MAGI2: variants seen among roughly 807,000 people sequenced by gnomAD.
MAGI2 encodes membrane associated guanylate kinase, WW and PDZ domain containing 2.
MAGI2 carries 35 observed loss-of-function variants against 133.3 expected under a neutral mutation model. That is an observed-to-expected ratio of 0.26 (90% CI 0.20 to 0.35). The LOEUF (loss-of-function observed/expected upper bound fraction) is 0.35. Ranked by LOEUF, MAGI2 falls within the 10% of genes least tolerant of loss-of-function variation. MAGI2 has a pLI of 1.00. For synonymous variants in MAGI2, 729 were observed against 710.6 expected (o/e 1.03, Z -0.41); for missense variants, 1,636 against 1,863.4 (o/e 0.88, Z 2.25).
chr7:78,484,020 A>T (rs1474245545), intron 6 of MAGI2: 1 of 151,966 alleles, frequency 6.6e-6, no homozygotes, highest in Non-Finnish European at 1.5e-5. Context: ...GTCATACTTA[A>T]TCTTCTTGAG....
At chr7:79,448,169 TAGC>T (rs1246012829) in intron 1 of MAGI2, among the ~76,000 whole-genome samples, 17 of 151,984 alleles carry the variant, frequency 1.1e-4, no homozygotes, top group Non-Finnish European at 1.6e-4. Flanking sequence ...AAATATAAAA[TAGC>T]AGATGTTTAC....
intron 1 of MAGI2, among the ~76,000 whole-genome samples, chr7:79,195,964 G>A (rs1828045532): frequency 1.3e-5 from 2 of 151,946 alleles, no homozygotes; most frequent in Non-Finnish European, 2.9e-5. Context: ...GGCTGAAGTG[G>A]TTGGGCATCG....
intron 16 of MAGI2, among the ~76,000 whole-genome samples, chr7:78,144,926 C>T (rs1435051881): frequency 9.2e-5 from 14 of 152,194 alleles, no homozygotes; most frequent in Admixed American, 5.2e-4. Context: ...GTTCCCCTCC[C>T]TGTGTCCGTG....
chr7:78,405,246 C>T (rs1382382435), intron 6 of MAGI2, among the ~76,000 whole-genome samples: 1 of 152,084 alleles, frequency 6.6e-6, no homozygotes, highest in African/African-American at 2.4e-5. Context: ...ATGTTAGATA[C>T]TTTCTGAGAA....
intron 1 of MAGI2, among the ~76,000 whole-genome samples, chr7:79,330,740 T>C (rs1047816054): frequency 7.2e-5 from 11 of 152,128 alleles, no homozygotes; most frequent in African/African-American, 2.7e-4. Context: ...CCAAAGATTG[T>C]TGTGAGGATT....
At chr7:79,092,757 C>T (rs1250154829) in intron 1 of MAGI2, among the ~76,000 whole-genome samples, 1 of 152,098 alleles carries the variant, frequency 6.6e-6, no homozygotes, top group Non-Finnish European at 1.5e-5. Context: ...ATCAGAAGGT[C>T]ATGTCTGATT....
intron 1 of MAGI2, among the ~76,000 whole-genome samples, chr7:79,204,601 A>G (rs1356909932): frequency 2.0e-5 from 3 of 152,064 alleles, no homozygotes; most frequent in African/African-American, 7.3e-5. Flanking sequence ...TGAACAAAAT[A>G]AAGTCCCAGT....
chr7:78,085,898 C>T (rs1816586645), intron 20 of MAGI2, among the ~76,000 whole-genome samples: 2 of 147,566 alleles, frequency 1.4e-5, no homozygotes, highest in South Asian at 4.1e-4. Context: ...GACTTGAGCA[C>T]AGTATCCTAT....
In MAGI2 at chr7:78,695,117, C is replaced by T. The variant is rs965205707; in HGVS notation, c.419-67878G>A. The stretch of plus-strand genomic sequence containing the variant: ...GCGGGTGCCTGTAGTCCCAGCTACT[C>T]GGGAGGCTGAGGCAGGAGAATTGCT... On this transcript the variant is annotated intron_variant, in intron 2 of 21. Coordinates refer to ENST00000354212, the MANE Select transcript of MAGI2 (RefSeq NM_012301.4). Among the ~76,000 whole-genome samples, 19 of 152,102 alleles carry T rather than the reference C, an allele frequency of 1.2e-4. 1 individual carries two copies. Among genetic ancestry groups the T allele is most frequent in the Middle Eastern group, 6.8e-3 (2 of 294 alleles).
chr7:78,578,319 C>T (rs896729750), intron 3 of MAGI2, among the ~76,000 whole-genome samples: 7 of 151,714 alleles, frequency 4.6e-5, no homozygotes, highest in African/African-American at 1.7e-4. Context: ...GAAAATATTA[C>T]ATATAATAAA....
chr7:78,908,992 A>G (rs1314442245), intron 2 of MAGI2, among the ~76,000 whole-genome samples: 1 of 152,200 alleles, frequency 6.6e-6, no homozygotes, highest in East Asian at 1.9e-4. Context: ...GAGTTTCTGC[A>G]CAGCAAAAGA....
intron 1 of MAGI2, among the ~76,000 whole-genome samples, chr7:79,404,409 C>G (rs1425165809): frequency 6.6e-6 from 1 of 152,096 alleles, no homozygotes; most frequent in African/African-American, 2.4e-5. Flanking sequence ...AATCATAGGT[C>G]ACTGCAGCCT....
intron 3 of MAGI2, among the ~76,000 whole-genome samples, chr7:78,573,285 T>A (rs1174130787): frequency 2.2e-5 from 1 of 44,480 alleles, no homozygotes; most frequent in Non-Finnish European, 3.4e-5. Context: ...TATATATATT[T>A]ATATAAATAT....
intron 6 of MAGI2, among the ~76,000 whole-genome samples, chr7:78,424,979 T>G (rs926790524): frequency 3.9e-5 from 6 of 152,166 alleles, no homozygotes; most frequent in Admixed American, 1.3e-4. Context: ...TTTAGGGGAC[T>G]GTTGAGAAGG....
intron 2 of MAGI2, among the ~76,000 whole-genome samples, chr7:78,761,348 A>AGGC (rs1824486213): frequency 1.3e-5 from 2 of 152,246 alleles, no homozygotes; most frequent in Admixed American, 1.3e-4. Flanking sequence ...GTTATTAGCC[A>AGGC]GGCTGAAGTC....
chr7:79,394,421 T>C (rs916031539), intron 1 of MAGI2, among the ~76,000 whole-genome samples: 10 of 152,168 alleles, frequency 6.6e-5, no homozygotes, highest in African/African-American at 2.2e-4. Context: ...TTTACTCCCA[T>C]TGGTTGTCAT....
intron 2 of MAGI2, among the ~76,000 whole-genome samples, chr7:78,979,627 G>A (rs530386300): frequency 2.6e-5 from 4 of 151,876 alleles, no homozygotes; most frequent in Admixed American, 1.3e-4. Context: ...ACAGTCCCTG[G>A]TTGTTCACTC....
At chr7:78,814,298 G>A (rs1789362120) in intron 2 of MAGI2, among the ~76,000 whole-genome samples, 1 of 152,056 alleles carries the variant, frequency 6.6e-6, no homozygotes, top group Non-Finnish European at 1.5e-5. Context: ...TAGCACTACA[G>A]CACTATATGT....
intron 2 of MAGI2, among the ~76,000 whole-genome samples, chr7:78,921,804 T>C (rs1799250384): frequency 6.6e-6 from 1 of 152,058 alleles, no homozygotes; most frequent in Non-Finnish European, 1.5e-5. Flanking sequence ...GCTAATTTTT[T>C]TGTATTTTTA....
Sources: allele counts gnomAD v4.1 joint callset (sites outside exome capture counted in the v4.1 genomes callset), GRCh38; gene constraint gnomAD v4.1.1; transcripts MANE v1.5; gene names NCBI Gene and HGNC (gene_info 2026-07-23, HGNC 2026-07-21).